ST6GALNAC1: variants seen among roughly 807,000 people sequenced by gnomAD.
ST6GALNAC1 encodes the protein alpha-N-acetylgalactosaminide alpha-2,6-sialyltransferase 1.
ST6GALNAC1 carries 45 observed loss-of-function variants against 56.8 expected under a neutral mutation model. That is an observed-to-expected ratio of 0.79 (90% CI 0.62 to 1.02). The LOEUF (loss-of-function observed/expected upper bound fraction) is 1.02, where lower values mean the gene tolerates loss of function less well. Among genes scored for constraint, ST6GALNAC1 ranks in the 50% least tolerant of loss-of-function variants. ST6GALNAC1 has a pLI of 0.00. For missense variants in ST6GALNAC1, 743 were observed against 754.8 expected (o/e 0.98, Z 0.18); for synonymous variants, 295 against 297.8 (o/e 0.99, Z 0.10).
At chr17:76,633,138 G>A (rs544922302) in intron 1 of ST6GALNAC1, among the ~76,000 whole-genome samples, 4 of 152,132 alleles carry the variant, frequency 2.6e-5, no homozygotes, top group African/African-American at 4.8e-5. Context: ...GAACCTGGGC[G>A]GCAGAGGTTG....
intron 1 of ST6GALNAC1, among the ~76,000 whole-genome samples, chr17:76,630,151 A>T (rs1465442407): frequency 6.6e-6 from 1 of 152,214 alleles, no homozygotes; most frequent in African/African-American, 2.4e-5. Flanking sequence ...ACAGGAGAGC[A>T]TCTCATCCGA....
chr17:76,624,400 C>T (rs1023743493), downstream of ST6GALNAC1, among the ~76,000 whole-genome samples: 2 of 152,068 alleles, frequency 1.3e-5, no homozygotes, highest in Non-Finnish European at 2.9e-5. Flanking sequence ...CAGGCGCCCG[C>T]CACCACGCCC....
intron 1 of ST6GALNAC1, among the ~76,000 whole-genome samples, chr17:76,632,091 T>C (rs985985867): frequency 2.0e-5 from 3 of 152,078 alleles, no homozygotes; most frequent in East Asian, 3.9e-4. Context: ...AAAACCAAGC[T>C]GTTCACCCGG....
intron 8 of ST6GALNAC1, 114 bp from the exon 9 acceptor site, chr17:76,625,641 G>A: frequency 2.3e-6 from 3 of 1,318,770 alleles, no homozygotes; most frequent in Non-Finnish European, 3.1e-6. Context: ...CCGTCCCTAG[G>A]GGTCTGGGTG....
chr17:76,632,209 C>T (rs2075912608), intron 1 of ST6GALNAC1, among the ~76,000 whole-genome samples: 1 of 152,196 alleles, frequency 6.6e-6, no homozygotes, highest in Admixed American at 6.5e-5. Flanking sequence ...CCCTTCCAAA[C>T]TCCGGCAGCC....
chr17:76,620,903 C>T (rs1028908868), downstream of ST6GALNAC1, among the ~76,000 whole-genome samples: 2 of 152,002 alleles, frequency 1.3e-5, no homozygotes, highest in Non-Finnish European at 2.9e-5. Flanking sequence ...TCGCATATTT[C>T]TTATTCTATC....
At chr17:76,628,829 A>G (rs761460108) in intron 2 of ST6GALNAC1, among the ~76,000 whole-genome samples, 183 bp downstream of exon 2, 1 of 152,036 alleles carries the variant, frequency 6.6e-6, no homozygotes, top group Non-Finnish European at 1.5e-5. Flanking sequence ...TGTGGCCATC[A>G]TTGGAAAGAC....
At chr17:76,639,294 C>T (rs918175456) in intron 1 of ST6GALNAC1, among the ~76,000 whole-genome samples, 11 of 152,046 alleles carry the variant, frequency 7.2e-5, no homozygotes, top group African/African-American at 1.7e-4. Flanking sequence ...AAGACAATGC[C>T]GGCCGGGTGC....
chr17:76,643,286 T>C (rs1393655354), intron 1 of ST6GALNAC1, among the ~76,000 whole-genome samples: 2 of 152,178 alleles, frequency 1.3e-5, no homozygotes, highest in Non-Finnish European at 2.9e-5. Flanking sequence ...TATCTGGACA[T>C]GTCCATCCCA....
At chr17:76,623,888 G>C (rs1011307150), downstream of ST6GALNAC1, among the ~76,000 whole-genome samples, 1 of 152,184 alleles carries the variant, frequency 6.6e-6, no homozygotes, top group Non-Finnish European at 1.5e-5. Context: ...GGGAGTAAGG[G>C]GGCTCTCTGC....
At position 76,629,175 on chromosome 17, in the gene ST6GALNAC1, A is replaced by T. The variant is rs2075855004; in HGVS notation, c.668T>A (p.Val223Asp). 1 of 1,614,012 alleles carries T rather than the reference A, an allele frequency of 6.2e-7. No individual in the cohort carries two copies. Reference sequence around the variant, plus strand: ...AGGTTTCTTCTCCTTAGGTGGGATGACTGCTGTGGTCACTCCTTTCTGTCT... The same window carrying T: ...AGGTTTCTTCTCCTTAGGTGGGATGTCTGCTGTGGTCACTCCTTTCTGTCT... ...RTRQKGVTTAVIPPKEKKPQA... is the reference protein window; with the variant it reads ...RTRQKGVTTADIPPKEKKPQA... The change falls in exon 2 of 9, where the codon GTC (valine) becomes GAC (aspartate). Residue 223 changes from valine to aspartate, a missense_variant. Coordinates refer to ENST00000156626, the MANE Select transcript of ST6GALNAC1 (RefSeq NM_018414.5).
chr17:76,628,096 C>CAA (rs11312067), intron 2 of ST6GALNAC1, among the ~76,000 whole-genome samples: 1 of 69,772 alleles, frequency 1.4e-5, no homozygotes, highest in African/African-American at 5.3e-5. Context: ...GAGTCCATCT[C>CAA]AAAAAAAAAA....
chr17:76,634,143 G>A (rs2075944594), intron 1 of ST6GALNAC1, among the ~76,000 whole-genome samples: 1 of 152,218 alleles, frequency 6.6e-6, no homozygotes, highest in African/African-American at 2.4e-5. Context: ...GGAAGTGGCT[G>A]CAGGTGAGTT....
chr17:76,639,444 C>T (rs1015114525), intron 1 of ST6GALNAC1, among the ~76,000 whole-genome samples: 8 of 151,924 alleles, frequency 5.3e-5, no homozygotes, highest in African/African-American at 1.9e-4. Context: ...AGCGTGGTGG[C>T]GTGCGTCTGT....
At chr17:76,621,537 A>G (rs974938371), downstream of ST6GALNAC1, among the ~76,000 whole-genome samples, 1 of 151,758 alleles carries the variant, frequency 6.6e-6, no homozygotes, top group Non-Finnish European at 1.5e-5. Context: ...GTGCAGTGGC[A>G]TGATCTCGGC....
chr17:76,626,143 G>A (rs960905570), intron 6 of ST6GALNAC1, 48 bp from the exon 7 acceptor site: 2 of 1,596,964 alleles, frequency 1.3e-6, no homozygotes, highest in Non-Finnish European at 1.7e-6. Flanking sequence ...TACCTGGTCT[G>A]GGGTGGGCCA....
In ST6GALNAC1 at chr17:76,639,638, A is replaced by AACACACACAC. The variant is rs55706272; in HGVS notation, c.131+3860_131+3869dup. ...CACAAATTCATATAATTACATGATA[A>AACACACACAC]ACACACACACACACACACACACACA... On this transcript the variant is annotated intron_variant, in intron 1 of 8. Coordinates refer to ENST00000156626, the MANE Select transcript of ST6GALNAC1 (RefSeq NM_018414.5). Among the ~76,000 whole-genome samples the AACACACACAC allele has an allele frequency of 2.7e-3, 334 of 125,232 alleles. 3 individuals are homozygous for AACACACACAC. The highest frequency in any genetic ancestry group is 7.8e-3 in the African/African-American group (239 of 30,818). 82.2% of individuals were successfully genotyped at this position (125,232 alleles called of 152,430 possible).
In ST6GALNAC1 at chr17:76,643,520, G is replaced by GT; in HGVS notation, c.118dup (p.Thr40AsnfsTer13). 6.2e-7 allele frequency: 1 copy of GT among 1,614,050 alleles called. No homozygotes were observed. The highest frequency in any genetic ancestry group is 1.7e-5 in the Admixed American group (1 of 60,020). On this transcript the variant is annotated frameshift_variant, in exon 1 of 9. Transcript: ENST00000156626. LOFTEE classifies it high-confidence loss of function. ...ACAAGAATCTTACCTGGAAGGCTTT[G>GT]TTTGAGGCTCCTTAATAAAAGAGGG...
Position 76,625,841 on chromosome 17 carries a change from G to T in ST6GALNAC1, c.1583C>A (p.Thr528Asn). 4.5e-6 allele frequency: 7 copies of T among 1,540,834 alleles called. No individual in the cohort carries two copies. Among genetic ancestry groups the T allele is most frequent in the Non-Finnish European group, 5.2e-6 (6 of 1,147,728 alleles). Residue 528 changes from threonine to asparagine, a missense_variant, in exon 8 of 9, where the codon ACT becomes AAT. Thr to Asn is a moderately conservative substitution (Grantham distance 65). Coordinates refer to ENST00000156626, the MANE Select transcript of ST6GALNAC1 (RefSeq NM_018414.5). ...RPTTGALLLL[T>N]ALQLCDQVSA... ...TACCTGGTCACAGAGCTGAAGGGCA[G>T]TGAGCAGCAGGAGGGCCCCAGTGGT...
Sources: allele counts gnomAD v4.1 joint callset (sites outside exome capture counted in the v4.1 genomes callset), GRCh38; gene constraint gnomAD v4.1.1; transcripts MANE v1.5; gene names NCBI Gene and HGNC (gene_info 2026-07-23, HGNC 2026-07-21).